The following ZNF91 variants were observed in gnomAD, a reference collection of about 807,000 sequenced individuals.
ZNF91 encodes the protein zinc finger protein 91 (HPF7, HTF10).
A neutral mutation model predicts 12.6 loss-of-function variants in ZNF91; 7 were observed. The ratio of observed to expected loss-of-function variants is 0.55; its 90% CI spans 0.31 to 1.04. The LOEUF is 1.04. Among genes scored for constraint, ZNF91 ranks in the 50% least tolerant of loss-of-function variants. The probability of loss-of-function intolerance (pLI) is 0.05; values close to 1 mark genes in which losing one functional copy is unlikely to be tolerated. For synonymous variants in ZNF91, 453 were observed against 462.6 expected, an observed-to-expected ratio of 0.98 and a Z score of 0.27; for missense variants, 1,217 against 1,385.4, an observed-to-expected ratio of 0.88 and a Z score of 1.93.
At chr19:23,313,611 A>T (rs545179617), upstream of ZNF91, among the ~76,000 whole-genome samples, 1 of 152,262 alleles carries the variant, frequency 6.6e-6, no homozygotes, top group Non-Finnish European at 1.5e-5. Context: ...TGTAACATTT[A>T]TCTCTGGCCC....
chr19:23,337,521 G>A (rs1599698694), downstream of ZNF91, among the ~76,000 whole-genome samples: 1 of 146,502 alleles, frequency 6.8e-6, no homozygotes, highest in African/African-American at 2.5e-5. Flanking sequence ...AAAATAAAAT[G>A]AAACAACTAT....
At position 23,395,373 on chromosome 19, in the gene ZNF91, A is replaced by T; in HGVS notation, c.-19T>A. The stretch of plus-strand genomic sequence containing the variant: ...CTGGCATCTTAGCTGTGGCTCTCCA[A>T]TACCTGCAGGTCACAGGGCCACACA... On this transcript the variant is annotated 5_prime_UTR_variant, in exon 1 of 4. It adds an upstream start codon to the 5' untranslated region. Transcript: ENST00000300619. 6.8e-6 allele frequency: 11 copies of T among 1,613,718 alleles called. No individual in the cohort carries two copies. Among genetic ancestry groups the T allele is most frequent in the Non-Finnish European group, 9.3e-6 (11 of 1,179,810 alleles).
chr19:23,315,931 AC>A (rs1967550063), intron 1 of ZNF91, among the ~76,000 whole-genome samples: 1 of 152,086 alleles, frequency 6.6e-6, no homozygotes. Context: ...TGGATGCAGC[AC>A]CTAGGGGATG....
chr19:23,333,130 C>T (rs562931163), intron 1 of ZNF91, among the ~76,000 whole-genome samples: 2 of 152,328 alleles, frequency 1.3e-5, no homozygotes, highest in African/African-American at 4.8e-5. Flanking sequence ...CTTTTAACCT[C>T]ACTGGAAGTG....
At chr19:23,336,100 G>A (rs1968003582), downstream of ZNF91, among the ~76,000 whole-genome samples, 1 of 152,124 alleles carries the variant, frequency 6.6e-6, no homozygotes. Context: ...TGCATCAGCA[G>A]CCTTTAAAAT....
At chr19:23,372,132 T>C (rs112214105) in intron 3 of ZNF91, among the ~76,000 whole-genome samples, 21 of 152,232 alleles carry the variant, frequency 1.4e-4, no homozygotes, top group African/African-American at 5.1e-4. Context: ...CATTCTAGTA[T>C]ATTGTCCTAA....
At chr19:23,318,798 A>G (rs1240069278) in intron 1 of ZNF91, among the ~76,000 whole-genome samples, 5 of 152,156 alleles carry the variant, frequency 3.3e-5, no homozygotes, top group African/African-American at 9.7e-5. Context: ...GTCATTGCCC[A>G]CAGGGGTCAC....
At chr19:23,313,495 T>A (rs1298853349), upstream of ZNF91, among the ~76,000 whole-genome samples, 1 of 152,144 alleles carries the variant, frequency 6.6e-6, no homozygotes, top group Non-Finnish European at 1.5e-5. Flanking sequence ...AGGTGATGTG[T>A]CTCTCCTTCA....
intron 3 of ZNF91, chr19:23,306,666 T>C (rs1307992335): frequency 2.0e-5 from 3 of 152,220 alleles, no homozygotes; most frequent in African/African-American, 7.2e-5. Flanking sequence ...ACAGAGAGCA[T>C]TGTGAGATAT....
At chr19:23,388,040 G>A (rs1969935052) in intron 1 of ZNF91, among the ~76,000 whole-genome samples, 1 of 151,156 alleles carries the variant, frequency 6.6e-6, no homozygotes, top group South Asian at 2.1e-4. Context: ...AAGGTCAGGA[G>A]TTCCAGACCA....
rs759431011 is a variant in ZNF91 at position 23,360,427 on chromosome 19, T to G, written c.2552A>C (p.Glu851Ala). The G allele has an allele frequency of 6.2e-7, 1 of 1,614,108 alleles. No homozygotes were observed. Among genetic ancestry groups the G allele is most frequent in the South Asian group, 1.1e-5 (1 of 91,082 alleles). ...ACATTCCTCACATTTGTAGAGTTTC[T>G]CTCCAGCATGTATTATTTTATGTTT... ...LAKHKIIHAG[E>A]KLYKCEECGK... Residue 851 changes from glutamate to alanine, a missense_variant, in exon 4 of 4, where the codon GAG becomes GCG. By Grantham distance (107) the Glu-to-Ala change is moderately radical. Around this residue, in one of 2 missense-constraint regions of ZNF91, gnomAD observed 491 missense variants for 489.8 expected, o/e 1.00. Coordinates refer to ENST00000300619, the MANE Select transcript of ZNF91 (RefSeq NM_003430.4).
intron 1 of ZNF91, among the ~76,000 whole-genome samples, chr19:23,320,392 A>G (rs1328519089): frequency 6.6e-6 from 1 of 152,200 alleles, no homozygotes; most frequent in Non-Finnish European, 1.5e-5. Context: ...TGCTATAAAG[A>G]ACTGCCCAAG....
At chr19:23,367,537 G>GT (rs1194551307) in intron 3 of ZNF91, among the ~76,000 whole-genome samples, 4 of 152,014 alleles carry the variant, frequency 2.6e-5, no homozygotes, top group African/African-American at 7.2e-5. Flanking sequence ...CCCAACAGTA[G>GT]TTTTTTAAAG....
At chr19:23,338,818 G>A (rs1205267220) in exon 4 of ZNF91, 2 of 151,990 alleles carry the variant, frequency 1.3e-5, no homozygotes, top group Non-Finnish European at 2.9e-5. Context: ...CTTTGGGAGG[G>A]TGAGGTGAGG....
rs1968792243 is a variant in ZNF91 at position 23,361,874 on chromosome 19, T to G, written c.1105A>C (p.Lys369Gln). ...FSNSSTLANH[K>Q]ITHTEEKPYK... ...GGTTTCTCTTCAGTATGAGTTATCTTATGATTAGCAAGGGTTGAGGAATTG... is the reference window on the plus strand; with the variant it reads ...GGTTTCTCTTCAGTATGAGTTATCTGATGATTAGCAAGGGTTGAGGAATTG... Residue 369 changes from lysine (K) to glutamine (Q), a missense_variant, in exon 4 of 4, where the codon AAG (lysine) becomes CAG (glutamine). Coordinates refer to ENST00000300619, the MANE Select transcript of ZNF91 (RefSeq NM_003430.4). 6.2e-7 allele frequency: 1 copy of G among 1,613,284 alleles called. No homozygotes were observed.
At chr19:23,379,438 CTG>C (rs747190341) in intron 1 of ZNF91, among the ~76,000 whole-genome samples, 6 of 152,182 alleles carry the variant, frequency 3.9e-5, no homozygotes, top group Admixed American at 1.3e-4. Flanking sequence ...AGAAAGAAAA[CTG>C]TCTCATTACA....
chr19:23,346,793 T>C (rs866193490), intron 3 of ZNF91, among the ~76,000 whole-genome samples: 2 of 152,124 alleles, frequency 1.3e-5, no homozygotes, highest in South Asian at 2.1e-4. Flanking sequence ...TATCTCTCCA[T>C]GCCAACTTAA....
chr19:23,350,896 C>T (rs528586147), intron 3 of ZNF91, among the ~76,000 whole-genome samples: 6 of 152,164 alleles, frequency 3.9e-5, no homozygotes, highest in Admixed American at 6.5e-5. Context: ...GGCCTCAGCC[C>T]GCCTGCACCG....
intron 1 of ZNF91, among the ~76,000 whole-genome samples, chr19:23,377,950 G>GTTTTTGTCACTCAT (rs1969563696): frequency 7.4e-6 from 1 of 135,686 alleles, no homozygotes; most frequent in Admixed American, 7.0e-5. Context: ...TTCTTCTTCT[G>GTTTTTGTCACTCAT]TTTTTGTCAC....
Sources: allele counts gnomAD v4.1 joint callset (sites outside exome capture counted in the v4.1 genomes callset), GRCh38; gene constraint gnomAD v4.1.1; regional missense constraint gnomAD v4.1.1; transcripts MANE v1.5; gene names NCBI Gene and HGNC (gene_info 2026-07-23, HGNC 2026-07-21).